GARNL3: variants seen among roughly 807,000 people sequenced by gnomAD.
GARNL3 encodes GTPase-activating Rap/Ran-GAP domain-like protein 3.
Under a neutral mutation model 125.0 loss-of-function variants are expected in GARNL3, and 63 were observed. The observed-to-expected ratio is 0.50, with a 90% CI of 0.41 to 0.62. GARNL3 has a LOEUF of 0.62. Among genes scored for constraint, GARNL3 ranks in the 20% least tolerant of loss-of-function variants. GARNL3 has a pLI of 0.00. For synonymous variants in GARNL3, 439 were observed against 457.5 expected (o/e 0.96, Z 0.52); for missense variants, 994 against 1,244.0 (o/e 0.80, Z 3.02).
rs1832425321 is a variant in GARNL3 at position 127,384,271 on chromosome 9, G to T, written c.2269+726G>T. Reference sequence around the variant, plus strand: ...GAGGGGCTTGAAAGTCATGGCTGGAGGCATAGATGTGGTAGGCACAGTCAC... The same window carrying T: ...GAGGGGCTTGAAAGTCATGGCTGGATGCATAGATGTGGTAGGCACAGTCAC... On this transcript the variant is annotated intron_variant, in intron 23 of 27. Coordinates refer to ENST00000373387, the MANE Select transcript of GARNL3 (RefSeq NM_032293.5). The surrounding 1 kb of genome is among the most constrained non-coding windows in gnomAD (Gnocchi z 4.0). Among the ~76,000 whole-genome samples, 1 of 152,176 alleles carries T rather than the reference G, an allele frequency of 6.6e-6. No individual in the cohort carries two copies. Among genetic ancestry groups the T allele is most frequent in the African/African-American group, 2.4e-5 (1 of 41,448 alleles).
intron 27 of GARNL3, among the ~76,000 whole-genome samples, chr9:127,391,777 C>T (rs897118946): frequency 6.6e-6 from 1 of 151,122 alleles, no homozygotes; most frequent in Admixed American, 6.6e-5. Flanking sequence ...GTACTGGTAG[C>T]ACATACACAG....
At chr9:127,341,683 G>T (rs1829868246) in intron 13 of GARNL3, among the ~76,000 whole-genome samples, 1 of 152,162 alleles carries the variant, frequency 6.6e-6, no homozygotes, top group South Asian at 2.1e-4. Context: ...CCACCAATTG[G>T]AGATCACTCA....
At chr9:127,330,387 G>T (rs943383643) in intron 7 of GARNL3, among the ~76,000 whole-genome samples, 1 of 152,218 alleles carries the variant, frequency 6.6e-6, no homozygotes, top group Non-Finnish European at 1.5e-5. Flanking sequence ...ATGCTAGTTT[G>T]TAAGGAAGCA....
At chr9:127,321,932 G>C (rs2065417479) in intron 6 of GARNL3, among the ~76,000 whole-genome samples, 1 of 152,108 alleles carries the variant, frequency 6.6e-6, no homozygotes, top group South Asian at 2.1e-4. Flanking sequence ...TTAAAATACG[G>C]TTAGCTTTTA....
intron 7 of GARNL3, 21 bp from the exon 8 acceptor site, chr9:127,332,253 A>G: frequency 6.3e-7 from 1 of 1,586,492 alleles, no homozygotes; most frequent in Non-Finnish European, 8.7e-7. Context: ...TAACTGTAAC[A>G]CCTTTTGTTA....
At chr9:127,369,408 C>A (rs1326014558) in intron 22 of GARNL3, among the ~76,000 whole-genome samples, 27 of 152,206 alleles carry the variant, frequency 1.8e-4, no homozygotes, top group Non-Finnish European at 2.9e-5. Context: ...GGAACTCTTT[C>A]ATTAGCATAT....
intron 22 of GARNL3, among the ~76,000 whole-genome samples, chr9:127,374,412 T>G (rs1831778895): frequency 6.6e-6 from 1 of 152,134 alleles, no homozygotes; most frequent in Admixed American, 6.5e-5. Context: ...TAATAAAAAC[T>G]TCTACAAGAA....
intron 2 of GARNL3, among the ~76,000 whole-genome samples, chr9:127,310,048 T>C (rs1180275308): frequency 2.0e-5 from 3 of 152,220 alleles, no homozygotes; most frequent in South Asian, 2.1e-4. Flanking sequence ...TAATGCCTTA[T>C]AAGGATTGAG....
chr9:127,299,173 C>T (rs886542015), intron 2 of GARNL3, among the ~76,000 whole-genome samples: 8 of 151,760 alleles, frequency 5.3e-5, no homozygotes, highest in South Asian at 2.1e-4. Flanking sequence ...AAAAAGTAGC[C>T]GGGTGTGCTG....
intron 4 of GARNL3, among the ~76,000 whole-genome samples, chr9:127,314,731 A>G (rs2065191060): frequency 2.0e-5 from 3 of 152,098 alleles, no homozygotes; most frequent in Admixed American, 2.0e-4. Flanking sequence ...ATGCAGGGGG[A>G]ACATTTGCTT....
intron 2 of GARNL3, among the ~76,000 whole-genome samples, chr9:127,297,845 C>T (rs549594893): frequency 6.6e-6 from 1 of 152,298 alleles, no homozygotes; most frequent in South Asian, 2.1e-4. Flanking sequence ...TTAAAGCTGT[C>T]TATAGCAATT....
intron 22 of GARNL3, among the ~76,000 whole-genome samples, chr9:127,378,542 G>A (rs367557580): frequency 9.6e-5 from 14 of 146,058 alleles, no homozygotes; most frequent in African/African-American, 3.3e-4. Context: ...AGCCGAGATC[G>A]TGCCATTGCA....
At chr9:127,380,442 A>T (rs555596280) in intron 22 of GARNL3, among the ~76,000 whole-genome samples, 6 of 152,338 alleles carry the variant, frequency 3.9e-5, no homozygotes, top group Non-Finnish European at 1.5e-5. Context: ...ATAACCCAGC[A>T]ATCTATACAA....
At chr9:127,230,258 C>A (rs904080379) in intron 1 of GARNL3, among the ~76,000 whole-genome samples, 1 of 152,198 alleles carries the variant, frequency 6.6e-6, no homozygotes, top group Non-Finnish European at 1.5e-5. Flanking sequence ...TATAAAATGA[C>A]CTGCCTCAAA....
chr9:127,230,172 A>G (rs2062976731), intron 1 of GARNL3, among the ~76,000 whole-genome samples: 2 of 152,230 alleles, frequency 1.3e-5, no homozygotes, highest in Admixed American at 6.5e-5. Context: ...ACTTGGGTTC[A>G]AGTTTCTGTC....
intron 17 of GARNL3, among the ~76,000 whole-genome samples, chr9:127,350,018 C>T (rs2131642231): frequency 6.6e-6 from 1 of 152,264 alleles, no homozygotes; most frequent in South Asian, 2.1e-4. Context: ...GGGCCCCACG[C>T]CAGGTGCCTT....
At chr9:127,335,072 G>A (rs1373519874) in intron 9 of GARNL3, among the ~76,000 whole-genome samples, 158 bp from the exon 10 acceptor site, 2 of 152,218 alleles carry the variant, frequency 1.3e-5, no homozygotes, top group South Asian at 2.1e-4. Flanking sequence ...CATGTGGGGG[G>A]TTGCATCAAG....
intron 2 of GARNL3, among the ~76,000 whole-genome samples, chr9:127,297,949 G>A (rs1299883988): frequency 6.6e-6 from 1 of 152,192 alleles, no homozygotes; most frequent in Non-Finnish European, 1.5e-5. Context: ...TCTCTTATGA[G>A]AAAGACATGT....
chr9:127,260,268 A>C (rs2063562909), upstream of GARNL3, among the ~76,000 whole-genome samples: 1 of 152,166 alleles, frequency 6.6e-6, no homozygotes, highest in Non-Finnish European at 1.5e-5. Flanking sequence ...GTTTCCCAGG[A>C]TTCCTGAGTC....
Sources: allele counts gnomAD v4.1 joint callset (sites outside exome capture counted in the v4.1 genomes callset), GRCh38; gene constraint gnomAD v4.1.1; non-coding constraint Gnocchi (gnomAD v3.1); transcripts MANE v1.5; gene names NCBI Gene and HGNC (gene_info 2026-07-23, HGNC 2026-07-21).